The following PUM2 variants were observed in gnomAD, a reference collection of about 807,000 sequenced individuals.
PUM2 encodes the protein pumilio homolog 2.
Under a neutral mutation model 124.5 loss-of-function variants are expected in PUM2, and 57 were observed. The ratio of observed to expected loss-of-function variants is 0.46; its 90% CI spans 0.37 to 0.57. The LOEUF (loss-of-function observed/expected upper bound fraction) is 0.57. Ranked by LOEUF, PUM2 falls within the 20% of genes least tolerant of loss-of-function variation. The pLI is 0.00. For missense variants in PUM2, 1,065 were observed against 1,290.6 expected (o/e 0.83, Z 2.68); for synonymous variants, 460 against 446.1 (o/e 1.03, Z -0.39).
At position 20,339,409 on chromosome 2, in the gene PUM2, T is replaced by C. The variant is rs531634362; in HGVS notation, c.-19+11188A>G. Among the ~76,000 whole-genome samples the C allele has an allele frequency of 1.6e-4, 25 of 152,062 alleles. No homozygotes were observed. The South Asian group carries it at 1.9e-3, about 11-fold the overall frequency. ...ATCACTTAAAAGAAAAATATTTTCA[T>C]TTTAGTCTTGTTTGTAAGTTTCCAA... On this transcript the variant is annotated intron_variant, in intron 1 of 20. Transcript: ENST00000361078.
At chr2:20,281,578 T>C (rs183107356) in intron 12 of PUM2, among the ~76,000 whole-genome samples, 25 of 152,332 alleles carry the variant, frequency 1.6e-4, no homozygotes, top group African/African-American at 5.8e-4. Context: ...TCAGAATATT[T>C]AGGATTCTTT....
chr2:20,351,693 C>G (rs749589913), upstream of PUM2, among the ~76,000 whole-genome samples: 11 of 152,200 alleles, frequency 7.2e-5, no homozygotes, highest in African/African-American at 2.4e-4. Flanking sequence ...GTAACAGGCA[C>G]CGTGTCCGAT....
intron 13 of PUM2, among the ~76,000 whole-genome samples, chr2:20,268,768 T>C (rs1174777786): frequency 1.3e-5 from 2 of 152,188 alleles, no homozygotes; most frequent in Admixed American, 6.5e-5. Flanking sequence ...AATATATAAA[T>C]GACTCAAATG....
chr2:20,300,199 G>A (rs1676628047), intron 7 of PUM2, among the ~76,000 whole-genome samples: 1 of 151,730 alleles, frequency 6.6e-6, no homozygotes, highest in African/African-American at 2.4e-5. Flanking sequence ...GCCCAGGTTG[G>A]AGTGCAGTAG....
At position 20,258,294 on chromosome 2, in the gene PUM2, A is replaced by G; in HGVS notation, c.2433T>C (p.Tyr811=). Reference sequence around the variant, plus strand: ...ATGCTTTCTGAATAACGCGGCAGCCATACATCTGCAAGGCTAAGGGTAGAA... The same window carrying G: ...ATGCTTTCTGAATAACGCGGCAGCCGTACATCTGCAAGGCTAAGGGTAGAA... ...GHVLPLALQM[Y]GCRVIQKALE... is the part of the protein sequence containing the mutation. The change falls in exon 16 of 21, where the codon TAT becomes TAC. Residue 811 remains tyrosine (Y), a synonymous_variant. Transcript: ENST00000361078. 14 of 1,612,046 alleles carry G rather than the reference A, an allele frequency of 8.7e-6. No individual in the cohort carries two copies. The highest frequency in any genetic ancestry group is 1.2e-5 in the Non-Finnish European group (14 of 1,178,520).
rs76264694 is a variant in PUM2, at chr2:20,292,296, G to GT, written c.1153-1507dup. 8.7e-3 allele frequency among the ~76,000 whole-genome samples: 1,200 copies of GT among 138,206 alleles called. 11 individuals carry two copies. The highest frequency in any genetic ancestry group is 0.019 in the East Asian group (89 of 4,678). 90.7% of individuals were successfully genotyped at this position (138,206 alleles called of 152,430 possible). ...TCAGGCCCATGGCTGACAGTTGGTAGTTTTTTTTTTTTTTTTCCCCAAAGA... is the reference window on the plus strand; with the variant it reads ...TCAGGCCCATGGCTGACAGTTGGTAGTTTTTTTTTTTTTTTTTCCCCAAAGA... On this transcript the variant is annotated intron_variant, in intron 9 of 20. Transcript: ENST00000361078.
In PUM2 at chr2:20,325,979, T is replaced by C. The variant is rs10197941; in HGVS notation, c.51+1331A>G. 2.6e-3 allele frequency among the ~76,000 whole-genome samples: 400 copies of C among 152,250 alleles called. 4 individuals are homozygous for C. The highest frequency in any genetic ancestry group is 6.8e-3 in the Middle Eastern group (2 of 294). On this transcript the variant is annotated intron_variant, in intron 2 of 20. Transcript: ENST00000361078. ...TTCAAGTTTGTCATAGACAAGAAGG[T>C]TGAAGCACTGTTCAACCCTGCTTTT...
rs202041061 is a variant in PUM2, at chr2:20,256,176, A to G, written c.2485-6T>C. ...AGCTCCTTTACCATTTCACTCTGCAAAAGACAGGATGTCATTTAAATTATT... is the reference window on the plus strand; with the variant it reads ...AGCTCCTTTACCATTTCACTCTGCAGAAGACAGGATGTCATTTAAATTATT... On this transcript the variant is annotated splice_region_variant and splice_polypyrimidine_tract_variant and intron_variant, in intron 16 of 20. Transcript: ENST00000361078. 374 of 1,583,044 alleles carry G rather than the reference A, an allele frequency of 2.4e-4. 1 individual carries two copies. Among genetic ancestry groups the G allele is most frequent in the Non-Finnish European group, 6.2e-5 (72 of 1,170,022 alleles).
At position 20,283,430 on chromosome 2, in the gene PUM2, C is replaced by T. The variant is rs1672025051; in HGVS notation, c.1348G>A (p.Gly450Ser). 2 of 1,614,008 alleles carry T rather than the reference C, an allele frequency of 1.2e-6. No individual in the cohort carries two copies. Among genetic ancestry groups the T allele is most frequent in the African/African-American group, 2.7e-5 (2 of 75,040 alleles). ...YYDQTGALVV[G>S]PGARTGLGAP... ...CCAAGGCCAGTCCTTGCTCCAGGGC[C>T]AACCACTAAGGCACCAGTCTGATCA... Residue 450 changes from glycine (G) to serine (S), a missense_variant, in exon 11 of 21, where the codon GGC becomes AGC. This residue lies in a region of PUM2 where 968 missense variants were observed against 1,159.8 expected (regional missense o/e 0.83). Transcript: ENST00000361078.
At chr2:20,332,698 T>C (rs1685170723) in intron 1 of PUM2, among the ~76,000 whole-genome samples, 1 of 152,188 alleles carries the variant, frequency 6.6e-6, no homozygotes, top group Non-Finnish European at 1.5e-5. Flanking sequence ...TGTCATCTGA[T>C]GGTAATAAAA....
In PUM2 at chr2:20,251,539, T is replaced by A. The variant is rs748686766; in HGVS notation, c.*46A>T. 21 of 1,557,344 alleles carry A rather than the reference T, an allele frequency of 1.3e-5. No individual in the cohort carries two copies. The highest frequency in any genetic ancestry group is 1.1e-4 in the Admixed American group (6 of 53,588). On this transcript the variant is annotated 3_prime_UTR_variant, in exon 21 of 21. Transcript: ENST00000361078. ...TTTTGATAATTCACACACAAAAAAA[T>A]TCTTTTCACATGGTTAAATTATCTT... is the stretch of plus-strand genomic sequence containing the variant.
At chr2:20,301,204 C>T (rs941833186) in intron 7 of PUM2, among the ~76,000 whole-genome samples, 8 of 152,182 alleles carry the variant, frequency 5.3e-5, no homozygotes, top group African/African-American at 1.9e-4. Flanking sequence ...ATGGGCATGT[C>T]CTTAAACTTG....
chr2:20,307,489 TA>T (rs778043422), intron 7 of PUM2, among the ~76,000 whole-genome samples: 3 of 152,206 alleles, frequency 2.0e-5, no homozygotes, highest in Non-Finnish European at 2.9e-5. Flanking sequence ...GTGTAGCCAT[TA>T]GGGGGAACTG....
chr2:20,331,754 A>G (rs895023171), intron 1 of PUM2: 13 of 152,230 alleles, frequency 8.5e-5, no homozygotes, highest in African/African-American at 3.1e-4. Context: ...CAGTGGTCCA[A>G]ATAGATGAGG....
chr2:20,266,603 A>T (rs528245136), intron 13 of PUM2, among the ~76,000 whole-genome samples: 1 of 152,326 alleles, frequency 6.6e-6, no homozygotes, highest in South Asian at 2.1e-4. Flanking sequence ...TCTCACAAAT[A>T]AGTGTGTAAA....
intron 14 of PUM2, among the ~76,000 whole-genome samples, chr2:20,262,500 C>A (rs1666549797): frequency 6.6e-6 from 1 of 152,158 alleles, no homozygotes; most frequent in African/African-American, 2.4e-5. Context: ...TGCATAGGTA[C>A]ACTCTTTAAT....
chr2:20,289,986 A>G (rs1032011413), intron 10 of PUM2, among the ~76,000 whole-genome samples: 5 of 152,238 alleles, frequency 3.3e-5, no homozygotes, highest in African/African-American at 1.2e-4. Context: ...ATATAGCTTT[A>G]AAGTTTAAAA....
intron 10 of PUM2, among the ~76,000 whole-genome samples, chr2:20,289,671 A>G (rs981854191): frequency 3.9e-5 from 6 of 152,246 alleles, no homozygotes; most frequent in Non-Finnish European, 7.3e-5. Flanking sequence ...AATTCCAGAG[A>G]GAAAGAATAA....
chr2:20,305,622 A>G (rs1462486711), intron 7 of PUM2, among the ~76,000 whole-genome samples: 1 of 152,088 alleles, frequency 6.6e-6, no homozygotes, highest in East Asian at 1.9e-4. Flanking sequence ...AGCAAATTGA[A>G]AGAGTATGTT....
Sources: allele counts gnomAD v4.1 joint callset (sites outside exome capture counted in the v4.1 genomes callset), GRCh38; gene constraint gnomAD v4.1.1; regional missense constraint gnomAD v4.1.1; transcripts MANE v1.5; gene names NCBI Gene and HGNC (gene_info 2026-07-23, HGNC 2026-07-21).